Variants in TMEM132B observed in about 807,000 individuals in gnomAD.
TMEM132B encodes transmembrane protein 132B.
TMEM132B carries 18 observed loss-of-function variants against 90.8 expected under a neutral mutation model. The ratio of observed to expected loss-of-function variants is 0.20; its 90% CI spans 0.14 to 0.29. The LOEUF (loss-of-function observed/expected upper bound fraction) is 0.29. Ranked by LOEUF, TMEM132B falls within the 10% of genes least tolerant of loss-of-function variation. TMEM132B has a pLI of 1.00. For missense variants in TMEM132B, 1,096 were observed against 1,326.8 expected (o/e 0.83, Z 2.70); for synonymous variants, 504 against 523.3 (o/e 0.96, Z 0.50).
At chr12:125,571,191 T>A (rs537688938) in intron 4 of TMEM132B, among the ~76,000 whole-genome samples, 4 of 152,180 alleles carry the variant, frequency 2.6e-5, no homozygotes, top group African/African-American at 9.7e-5. Context: ...GACTCTGGTG[T>A]CAAATGTTTT....
chr12:125,523,495 C>G (rs557410323), intron 4 of TMEM132B, among the ~76,000 whole-genome samples: 2 of 152,270 alleles, frequency 1.3e-5, no homozygotes, highest in South Asian at 4.1e-4. Context: ...ATCTCCCCAT[C>G]TCAAGATCCC....
intron 3 of TMEM132B, among the ~76,000 whole-genome samples, chr12:125,516,019 C>T (rs1883145799): frequency 1.3e-5 from 2 of 151,796 alleles, no homozygotes; most frequent in South Asian, 2.1e-4. Context: ...CTATGCACTC[C>T]CACACACTCT....
At chr12:125,359,070 GT>G (rs1391722264) in intron 2 of TMEM132B, among the ~76,000 whole-genome samples, 3 of 152,152 alleles carry the variant, frequency 2.0e-5, no homozygotes, top group Admixed American at 6.5e-5. Context: ...CCGTAATGAT[GT>G]GCAGCTCTCC....
intron 1 of TMEM132B, among the ~76,000 whole-genome samples, chr12:125,263,919 T>C (rs1487781612): frequency 1.3e-5 from 2 of 152,190 alleles, no homozygotes; most frequent in East Asian, 3.8e-4. Flanking sequence ...GGAAAACTTG[T>C]GGTGTTCCAT....
At chr12:125,366,174 C>T (rs1441525340) in intron 2 of TMEM132B, among the ~76,000 whole-genome samples, 1 of 152,008 alleles carries the variant, frequency 6.6e-6, no homozygotes, top group East Asian at 1.9e-4. Context: ...GCTTCCAGTT[C>T]CACCCACATT....
chr12:125,587,270 A>G (rs1885204837), intron 5 of TMEM132B: 1 of 150,042 alleles, frequency 6.7e-6, no homozygotes, highest in African/African-American at 2.5e-5. Context: ...TTTTATCAGT[A>G]TTGGGATCCA....
In TMEM132B at chr12:125,347,882, T is replaced by A. The variant is rs947796213; in HGVS notation, c.68-1570T>A. On this transcript the variant is annotated intron_variant, in intron 1 of 8. Transcript: ENST00000682704. ...AAACACACATACATGTATGTACTCA[T>A]GTGTACATGTTTATGTATATGTGCT... Among the ~76,000 whole-genome samples, 3 of 152,196 alleles carry A rather than the reference T, an allele frequency of 2.0e-5. No homozygotes were observed. The East Asian group carries it at 5.8e-4, about 29-fold the overall frequency.
chr12:125,456,391 A>G (rs1435903345), intron 3 of TMEM132B, among the ~76,000 whole-genome samples: 1 of 152,142 alleles, frequency 6.6e-6, no homozygotes, highest in African/African-American at 2.4e-5. Flanking sequence ...CATTTTCCCA[A>G]AGCTTCCAAA....
In TMEM132B at chr12:125,432,501, A is replaced by ATGTATGTGTATATATATG. The variant is rs1566034807; in HGVS notation, c.1106+16827_1106+16828insATGTGTATATATATGTGT. On this transcript the variant is annotated intron_variant, in intron 3 of 8. Transcript: ENST00000682704. ...TGTATATATATGTATGTGTATATAT[A>ATGTATGTGTATATATATG]TGTGTGTGTGTATATATATATATAT... Among the ~76,000 whole-genome samples the ATGTATGTGTATATATATG allele has an allele frequency of 1.3e-4, 4 of 29,996 alleles. No individual in the cohort carries two copies. In the African/African-American group the frequency reaches 1.4e-3, roughly 10 times the overall value. 19.7% of individuals were successfully genotyped at this position (29,996 alleles called of 152,430 possible).
At chr12:125,210,393 G>A (rs558531630) in intron 1 of TMEM132B, among the ~76,000 whole-genome samples, 6 of 152,304 alleles carry the variant, frequency 3.9e-5, no homozygotes, top group South Asian at 4.1e-4. Context: ...GTGGACTGCC[G>A]ATGAGGGTGA....
intron 1 of TMEM132B, among the ~76,000 whole-genome samples, chr12:125,295,511 T>TGTGTGTGTGC (rs1875646036): frequency 9.0e-6 from 1 of 110,892 alleles, no homozygotes; most frequent in African/African-American, 4.0e-5. Flanking sequence ...TGTGTGTGTG[T>TGTGTGTGTGC]GTGTGAGAGA....
chr12:125,380,255 G>T (rs1225396033), intron 2 of TMEM132B, among the ~76,000 whole-genome samples: 1 of 152,136 alleles, frequency 6.6e-6, no homozygotes, highest in East Asian at 1.9e-4. Flanking sequence ...TCCCTGGCTT[G>T]TGGTCACATT....
At chr12:125,574,579 T>C (rs1182614511) in intron 4 of TMEM132B, among the ~76,000 whole-genome samples, 4 of 152,068 alleles carry the variant, frequency 2.6e-5, no homozygotes, top group African/African-American at 9.7e-5. Flanking sequence ...ATCGTGACCA[T>C]TTGAGAAACA....
intron 1 of TMEM132B, among the ~76,000 whole-genome samples, chr12:125,280,674 C>G (rs1031071586): frequency 6.6e-6 from 1 of 152,220 alleles, no homozygotes; most frequent in African/African-American, 2.4e-5. Context: ...TCTCATTGGC[C>G]AGAGTAGTCA....
intron 1 of TMEM132B, among the ~76,000 whole-genome samples, chr12:125,222,985 G>A (rs139703864): frequency 7.7e-4 from 118 of 152,306 alleles, no homozygotes; most frequent in Non-Finnish European, 1.5e-3. Context: ...ATAATGAACT[G>A]TAAATTCAGT....
chr12:125,355,036 G>C (rs1386860048), intron 2 of TMEM132B, among the ~76,000 whole-genome samples: 1 of 151,894 alleles, frequency 6.6e-6, no homozygotes, highest in Admixed American at 6.6e-5. Flanking sequence ...GCATGTGTGA[G>C]TTGAGAGCCC....
rs1555248892 is a variant in TMEM132B, at chr12:125,432,554, G to GAGATAGAGAGAT, written c.1106+16880_1106+16881insTAGAGAGATAGA. On this transcript the variant is annotated intron_variant, in intron 3 of 8. Coordinates refer to ENST00000682704, the MANE Select transcript of TMEM132B (RefSeq NM_001366854.1). ...AGAGAGAGAGAGAGAGAGAGAGAGAGAGAGAGAGAGAGAAAGAGAGTGTTA... is the reference window on the plus strand; with the variant it reads ...AGAGAGAGAGAGAGAGAGAGAGAGAGAGATAGAGAGATAGAGAGAGAGAGAAAGAGAGTGTTA... Among the ~76,000 whole-genome samples, 409 of 72,782 alleles carry GAGATAGAGAGAT rather than the reference G, an allele frequency of 5.6e-3. 120 individuals are homozygous for GAGATAGAGAGAT. The highest frequency in any genetic ancestry group is 0.02 in the African/African-American group (314 of 15,668). The allele number at this position is 72,782 out of a possible 152,430, so 47.7% of individuals were successfully genotyped here. A position where few individuals can be genotyped will look rare whatever the true frequency, so the allele number is the denominator to read the frequency against.
intron 1 of TMEM132B, among the ~76,000 whole-genome samples, chr12:125,256,575 C>T (rs979758752): frequency 6.6e-6 from 1 of 152,224 alleles, no homozygotes; most frequent in Non-Finnish European, 1.5e-5. Context: ...GATGAATAGA[C>T]GTGACCTGCA....
intron 4 of TMEM132B, among the ~76,000 whole-genome samples, chr12:125,520,433 A>G (rs1228105079): frequency 3.3e-5 from 5 of 152,220 alleles, no homozygotes; most frequent in African/African-American, 1.2e-4. Flanking sequence ...ATCATTCATC[A>G]TGCAAGTTAA....
Sources: gnomAD v4.1 joint callset for allele counts (sites outside exome capture counted in the v4.1 genomes callset) on GRCh38, gnomAD v4.1.1 for gene constraint, MANE v1.5 for transcripts, NCBI Gene and HGNC (gene_info 2026-07-23, HGNC 2026-07-21) for gene names.